Variants in NR2F1-AS1 observed in about 807,000 individuals in gnomAD.
The protein encoded by NR2F1-AS1 is NR2F1 antisense RNA 1.
At chr5:93,445,493 C>A (rs929601860) in intron 4 of NR2F1-AS1, among the ~76,000 whole-genome samples, 3 of 152,014 alleles carry the variant, frequency 2.0e-5, no homozygotes, top group Non-Finnish European at 4.4e-5. Flanking sequence ...CAAGACTAAA[C>A]CAGGAAGAAG....
intron 4 of NR2F1-AS1, chr5:93,409,754 G>A (rs1561421412): frequency 6.6e-6 from 1 of 152,190 alleles, no homozygotes; most frequent in African/African-American, 2.4e-5. Flanking sequence ...GGGATCATAT[G>A]AGAATTCACA....
chr5:93,485,978 T>C (rs552430596), intron 4 of NR2F1-AS1, among the ~76,000 whole-genome samples: 3,539 of 134,188 alleles, frequency 0.026, 149 homozygotes, highest in African/African-American at 0.095. Flanking sequence ...ATGGATGAAA[T>C]TGGAAATCAT....
chr5:93,434,153 T>C (rs755092671), intron 4 of NR2F1-AS1, among the ~76,000 whole-genome samples: 9 of 152,172 alleles, frequency 5.9e-5, no homozygotes, highest in South Asian at 4.1e-4. Context: ...TATAAAACTA[T>C]TGGCTTTTGC....
At chr5:93,496,295 A>G (rs1396535772) in intron 4 of NR2F1-AS1, among the ~76,000 whole-genome samples, 1 of 152,182 alleles carries the variant, frequency 6.6e-6, no homozygotes, top group Non-Finnish European at 1.5e-5. Context: ...CTGTGAGGGA[A>G]AGAAACTGCT....
intron 1 of NR2F1-AS1, among the ~76,000 whole-genome samples, chr5:93,572,781 T>C (rs1752803996): frequency 6.6e-6 from 1 of 152,250 alleles, no homozygotes; most frequent in Non-Finnish European, 1.5e-5. Context: ...ATTACGCCTT[T>C]ATCCCCATCA....
At chr5:93,549,328 A>C (rs1404524467) in intron 4 of NR2F1-AS1, among the ~76,000 whole-genome samples, 1 of 152,176 alleles carries the variant, frequency 6.6e-6, no homozygotes, top group Non-Finnish European at 1.5e-5. Context: ...TATAAAGACA[A>C]TGAAATAGCA....
At chr5:93,497,701 C>A (rs1310564544) in intron 4 of NR2F1-AS1, among the ~76,000 whole-genome samples, 1 of 151,622 alleles carries the variant, frequency 6.6e-6, no homozygotes, top group Non-Finnish European at 1.5e-5. Context: ...ATGCATAAAC[C>A]CAGGTTGATG....
chr5:93,578,123 G>A (rs1412742301), intron 1 of NR2F1-AS1, among the ~76,000 whole-genome samples: 3 of 152,110 alleles, frequency 2.0e-5, no homozygotes, highest in Non-Finnish European at 4.4e-5. Flanking sequence ...TGGAGGGAGA[G>A]GATATGTTAA....
At chr5:93,443,261 A>G (rs1222209474) in intron 4 of NR2F1-AS1, among the ~76,000 whole-genome samples, 2 of 152,198 alleles carry the variant, frequency 1.3e-5, no homozygotes, top group Non-Finnish European at 1.5e-5. Flanking sequence ...GAGCTAAAGT[A>G]TGATGTTTGA....
chr5:93,410,424 C>T (rs1405763426), intron 4 of NR2F1-AS1: 4 of 152,376 alleles, frequency 2.6e-5, no homozygotes, highest in African/African-American at 9.7e-5. Context: ...AACCAGGCCG[C>T]ACAGCAAGAG....
chr5:93,481,081 A>G (rs988403521), intron 4 of NR2F1-AS1, among the ~76,000 whole-genome samples: 1 of 152,046 alleles, frequency 6.6e-6, no homozygotes, highest in African/African-American at 2.4e-5. Flanking sequence ...TGTAGAAAAA[A>G]TTTTTTAAAA....
intron 4 of NR2F1-AS1, among the ~76,000 whole-genome samples, chr5:93,552,652 T>C (rs1315295561): frequency 3.5e-5 from 5 of 142,654 alleles, no homozygotes; most frequent in Admixed American, 2.1e-4. Flanking sequence ...GAAGAAAAAT[T>C]GAAAGATAAT....
At chr5:93,563,235 G>A (rs1752535711) in intron 2 of NR2F1-AS1, 1 of 152,192 alleles carries the variant, frequency 6.6e-6, no homozygotes, top group Non-Finnish European at 1.5e-5. Flanking sequence ...ACATCTCTAT[G>A]GAGAGCTATA....
chr5:93,563,005 C>T (rs543774288), intron 2 of NR2F1-AS1, among the ~76,000 whole-genome samples: 17 of 152,214 alleles, frequency 1.1e-4, no homozygotes, highest in African/African-American at 3.9e-4. Flanking sequence ...CCCTTGTATC[C>T]ACGAATTGTA....
chr5:93,515,768 G>A (rs367621087), intron 4 of NR2F1-AS1, among the ~76,000 whole-genome samples: 1 of 151,798 alleles, frequency 6.6e-6, no homozygotes. Flanking sequence ...TAGAGATAAT[G>A]CCAGAAGATC....
intron 1 of NR2F1-AS1, chr5:93,571,302 G>A (rs1237121722): frequency 1.3e-5 from 2 of 151,684 alleles, no homozygotes; most frequent in Non-Finnish European, 2.9e-5. Flanking sequence ...GTCTGGACCC[G>A]GGACCTCATC....
chr5:93,415,683 T>C (rs1300639755), intron 4 of NR2F1-AS1, among the ~76,000 whole-genome samples: 1 of 152,218 alleles, frequency 6.6e-6, no homozygotes, highest in Non-Finnish European at 1.5e-5. Context: ...CAAAGGCACA[T>C]TGCCCCAAGA....
intron 4 of NR2F1-AS1, among the ~76,000 whole-genome samples, chr5:93,518,844 A>G: frequency 6.6e-6 from 1 of 152,110 alleles, no homozygotes; most frequent in East Asian, 1.9e-4. Flanking sequence ...TTTCATCCAC[A>G]GTATTATGCT....
chr5:93,569,784 C>T (rs1046200012), intron 1 of NR2F1-AS1: 2 of 152,204 alleles, frequency 1.3e-5, no homozygotes, highest in Admixed American at 6.5e-5. Flanking sequence ...GAGCTTAGGC[C>T]AGTGAATCTG....
Sources: gnomAD v4.1 joint callset for allele counts (sites outside exome capture counted in the v4.1 genomes callset) on GRCh38, gnomAD v4.1.1 for gene constraint, MANE v1.5 for transcripts, NCBI Gene and HGNC (gene_info 2026-07-23, HGNC 2026-07-21) for gene names.